The following PPP2R1B variants were observed in gnomAD, a reference collection of about 807,000 sequenced individuals.
The protein encoded by PPP2R1B is serine/threonine-protein phosphatase 2A 65 kDa regulatory subunit A beta isoform.
In PPP2R1B, 58 loss-of-function variants were observed where a neutral mutation model predicts 72.7. That is an observed-to-expected ratio of 0.80 (90% CI 0.65 to 0.99). The LOEUF (loss-of-function observed/expected upper bound fraction) is 0.99. Among genes scored for constraint, PPP2R1B ranks in the 50% least tolerant of loss-of-function variants. PPP2R1B has a pLI of 0.00. For synonymous variants in PPP2R1B, 256 were observed against 264.6 expected, an observed-to-expected ratio of 0.97 and a Z score of 0.32; for missense variants, 695 against 733.6, an observed-to-expected ratio of 0.95 and a Z score of 0.61.
At chr11:111,762,553 CTTTTTT>C (rs11431567) in intron 3 of PPP2R1B, among the ~76,000 whole-genome samples, 8 of 136,180 alleles carry the variant, frequency 5.9e-5, no homozygotes, top group African/African-American at 1.7e-4. Flanking sequence ...TCCAGCAGTT[CTTTTTT>C]TTTTTTTTTT....
downstream of PPP2R1B, chr11:111,725,011 G>A (rs1242092345): frequency 1.3e-5 from 2 of 152,578 alleles, no homozygotes; most frequent in African/African-American, 4.8e-5. Flanking sequence ...CAGGGTACCT[G>A]TTGTCTCTTT....
Position 111,740,762 on chromosome 11 carries a change from G to GT in PPP2R1B, c.*833dup. ...AGGTAAAGAACAGGAAATCTGCACA[G>GT]TATTATCCCTGTGGTTCTTAGACTC... On this transcript the variant is annotated 3_prime_UTR_variant, in exon 15 of 15. Transcript: ENST00000527614. 1.0e-6 allele frequency: 1 copy of GT among 985,452 alleles called. No individual in the cohort carries two copies. The highest frequency in any genetic ancestry group is 1.2e-6 in the Non-Finnish European group (1 of 829,926). The allele number at this position is 985,452 out of a possible 1,614,324, so 61.0% of individuals were successfully genotyped here.
At chr11:111,704,477 A>C in the PPP2R1B span, among the ~76,000 whole-genome samples, 1 of 152,262 alleles carries the variant, frequency 6.6e-6, no homozygotes, top group East Asian at 1.9e-4. Context: ...GAACGGAGAC[A>C]TAGTGTCTCT....
intron 4 of PPP2R1B, 55 bp from the exon 5 acceptor site, chr11:111,760,006 C>T (rs1945267504): frequency 6.5e-7 from 1 of 1,549,880 alleles, no homozygotes; most frequent in Non-Finnish European, 8.8e-7. Context: ...AATAAACCTG[C>T]CCCCCATACA....
At chr11:111,731,284 G>C (rs1461036815) in intron 15 of PPP2R1B, among the ~76,000 whole-genome samples, 1 of 152,226 alleles carries the variant, frequency 6.6e-6, no homozygotes, top group Non-Finnish European at 1.5e-5. Context: ...CTGGAAATGG[G>C]AGGGGAGGTG....
Position 111,727,954 on chromosome 11 carries a change from A to G in PPP2R1B, c.1912-897T>C, listed in dbSNP as rs149325442. ...GTTTGTATTACATTTTAAAACCTGT[A>G]TCAACAGTCACATTTAAGCTCCCTA... is the stretch of plus-strand genomic sequence containing the variant. On this transcript the variant is annotated intron_variant, in intron 15 of 15. Coordinates refer to the PPP2R1B transcript ENST00000311129. 103 of 152,358 alleles carry G rather than the reference A, an allele frequency of 6.8e-4. 1 individual carries two copies. Among genetic ancestry groups the G allele is most frequent in the Middle Eastern group, 3.4e-3 (1 of 296 alleles). The allele number at this position is 152,358 out of a possible 1,614,324, so 9.4% of individuals were successfully genotyped here. A position where few individuals can be genotyped will look rare whatever the true frequency, so the allele number is the denominator to read the frequency against.
downstream of PPP2R1B, chr11:111,724,054 G>C (rs944557974): frequency 3.1e-6 from 5 of 1,614,102 alleles, no homozygotes; most frequent in Non-Finnish European, 4.2e-6. Context: ...CCCTCTCTGA[G>C]CTACCTGGAC....
intron 15 of PPP2R1B, chr11:111,729,356 C>T (rs1297631909): frequency 6.6e-6 from 1 of 152,250 alleles, no homozygotes; most frequent in Non-Finnish European, 1.5e-5. Flanking sequence ...TCTGCTCGCC[C>T]ACCCACAAGG....
At chr11:111,692,420 G>A in the PPP2R1B span, among the ~76,000 whole-genome samples, 2 of 134,686 alleles carry the variant, frequency 1.5e-5, no homozygotes, top group Non-Finnish European at 3.1e-5. Flanking sequence ...GAGAGAGATA[G>A]AGATCGAGGC....
At position 111,739,821 on chromosome 11, in the gene PPP2R1B, G is replaced by A; in HGVS notation, c.*1775C>T. 1 of 970,650 alleles carries A rather than the reference G, an allele frequency of 1.0e-6. No homozygotes were observed. Among genetic ancestry groups the A allele is most frequent in the Non-Finnish European group, 1.2e-6 (1 of 816,560 alleles). The allele number at this position is 970,650 out of a possible 1,614,324, so 60.1% of individuals were successfully genotyped here. ...GAATAATAGCATAAGATATTAAAATGAGAATATAGAAAAAGATTTGTGCTT... is the reference window on the plus strand; with the variant it reads ...GAATAATAGCATAAGATATTAAAATAAGAATATAGAAAAAGATTTGTGCTT... On this transcript the variant is annotated 3_prime_UTR_variant, in exon 15 of 15. Coordinates refer to ENST00000527614, the MANE Select transcript of PPP2R1B (RefSeq NM_002716.5).
intron 5 of PPP2R1B, among the ~76,000 whole-genome samples, chr11:111,758,949 G>C (rs968231233): frequency 5.3e-5 from 8 of 152,114 alleles, no homozygotes; most frequent in Admixed American, 3.3e-4. Context: ...ATGTGTCCTG[G>C]GGCTTGTGGT....
the PPP2R1B span, chr11:111,688,220 G>T: frequency 6.3e-6 from 10 of 1,576,878 alleles, no homozygotes; most frequent in Non-Finnish European, 8.7e-6. The surrounding 1 kb of genome is among the most constrained non-coding windows in gnomAD (Gnocchi z 4.2). Context: ...CACTCAGTGT[G>T]TGGAAACAGA....
rs914085346 is a variant in PPP2R1B, at chr11:111,741,031, A to G, written c.*565T>C. 2 of 986,126 alleles carry G rather than the reference A, an allele frequency of 2.0e-6. No individual in the cohort carries two copies. The highest frequency in any genetic ancestry group is 2.4e-6 in the Non-Finnish European group (2 of 830,378). The allele number at this position is 986,126 out of a possible 1,614,324, so 61.1% of individuals were successfully genotyped here. A position where few individuals can be genotyped will look rare whatever the true frequency, so the allele number is the denominator to read the frequency against. ...AAATAAAAACCAAAACAACCACTAC[A>G]TTAACCCTGAGCTTCCACATTCCCC... On this transcript the variant is annotated 3_prime_UTR_variant, in exon 15 of 15. Coordinates refer to ENST00000527614, the MANE Select transcript of PPP2R1B (RefSeq NM_002716.5).
intron 14 of PPP2R1B, 129 bp from the exon 15 acceptor site, chr11:111,741,741 T>TACTCAGCCAGGCTAATCAG: frequency 9.2e-7 from 1 of 1,081,084 alleles, no homozygotes; most frequent in Non-Finnish European, 1.4e-6. Context: ...TTACTGTCTT[T>TACTCAGCCAGGCTAATCAG]ACTCAGCCAG....
chr11:111,736,380 G>A (rs1016513054), downstream of PPP2R1B, among the ~76,000 whole-genome samples: 5 of 152,192 alleles, frequency 3.3e-5, no homozygotes, highest in African/African-American at 4.8e-5. Flanking sequence ...GTAGGAAGAC[G>A]TAACCCCTTT....
chr11:111,753,327 G>T, intron 9 of PPP2R1B, 116 bp downstream of exon 9: 1 of 1,364,806 alleles, frequency 7.3e-7, no homozygotes, highest in Non-Finnish European at 1.0e-6. Flanking sequence ...TTTAAAATAA[G>T]TTATGATTTT....
rs140461439 is a variant in PPP2R1B, at chr11:111,765,030, T to C, written c.206-125A>G. On this transcript the variant is annotated intron_variant, in intron 2 of 14. Transcript: ENST00000527614. ...TGACCCAGTCAAAATCCTAACAGCA[T>C]TTTCTTTCTTCTCAACCGTCTTCCT... 4.5e-5 allele frequency: 65 copies of C among 1,448,710 alleles called. 1 individual carries two copies. The African/African-American group carries it at 7.5e-4, about 17-fold the overall frequency. 89.7% of individuals were successfully genotyped at this position (1,448,710 alleles called of 1,614,324 possible).
chr11:111,758,520 G>A (rs962188815), intron 5 of PPP2R1B, among the ~76,000 whole-genome samples: 3 of 152,104 alleles, frequency 2.0e-5, no homozygotes, highest in East Asian at 1.9e-4. Flanking sequence ...AACCCGGGAG[G>A]CAGAGGTTGC....
chr11:111,695,647 T>C, the PPP2R1B span, among the ~76,000 whole-genome samples: 2 of 152,228 alleles, frequency 1.3e-5, no homozygotes, highest in South Asian at 2.1e-4. Flanking sequence ...TTGTTACAAA[T>C]GCAGAATCTG....
Sources: gnomAD v4.1 joint callset for allele counts (sites outside exome capture counted in the v4.1 genomes callset) on GRCh38, gnomAD v4.1.1 for gene constraint, Gnocchi (gnomAD v3.1) non-coding constraint, MANE v1.5 for transcripts, NCBI Gene and HGNC (gene_info 2026-07-23, HGNC 2026-07-21) for gene names.